Variants in PTPRD observed in about 807,000 individuals in gnomAD.
PTPRD encodes the protein protein tyrosine phosphatase receptor type D, also known as receptor-type tyrosine-protein phosphatase delta.
In PTPRD, 34 loss-of-function variants were observed where a neutral mutation model predicts 214.5. That is an observed-to-expected ratio of 0.16 (90% CI 0.12 to 0.21). PTPRD has a LOEUF of 0.21. Among genes scored for constraint, PTPRD ranks in the 10% least tolerant of loss-of-function variants. The pLI is 1.00. For synonymous variants in PTPRD, 1,128 were observed against 845.7 expected (o/e 1.33, Z -5.79); for missense variants, 2,545 against 2,398.7 (o/e 1.06, Z -1.27).
chr9:8,608,965 C>T (rs1234698922), intron 14 of PTPRD, among the ~76,000 whole-genome samples: 2 of 152,076 alleles, frequency 1.3e-5, no homozygotes, highest in Non-Finnish European at 2.9e-5. Context: ...AAAGAAGCAA[C>T]CAGGTGAAAA....
intron 2 of PTPRD, among the ~76,000 whole-genome samples, chr9:10,470,249 A>G (rs1192580115): frequency 6.6e-6 from 1 of 152,118 alleles, no homozygotes; most frequent in Non-Finnish European, 1.5e-5. Flanking sequence ...TACAACTATT[A>G]GGTATCCATA....
intron 11 of PTPRD, among the ~76,000 whole-genome samples, chr9:8,931,406 G>T (rs1188275192): frequency 6.6e-6 from 1 of 152,098 alleles, no homozygotes; most frequent in Non-Finnish European, 1.5e-5. Flanking sequence ...GATGCCTCCA[G>T]CTTTGTTCTT....
At chr9:9,374,083 G>A (rs2060191426) in intron 9 of PTPRD, among the ~76,000 whole-genome samples, 1 of 151,540 alleles carries the variant, frequency 6.6e-6, no homozygotes. Context: ...CCATATTATG[G>A]AATTGTACGC....
intron 14 of PTPRD, among the ~76,000 whole-genome samples, chr9:8,548,339 A>C (rs948407311): frequency 2.0e-5 from 3 of 151,870 alleles, no homozygotes; most frequent in Non-Finnish European, 4.4e-5. Flanking sequence ...TCTGGGGTTC[A>C]TGTGTTAGGT....
chr9:9,226,384 T>C (rs1369107626), intron 9 of PTPRD, among the ~76,000 whole-genome samples: 1 of 151,984 alleles, frequency 6.6e-6, no homozygotes, highest in Non-Finnish European at 1.5e-5. Flanking sequence ...GCTATCTTAA[T>C]CCCTATCTAT....
At position 9,078,049 on chromosome 9, in the gene PTPRD, G is replaced by A. The variant is rs1191957495; in HGVS notation, c.-142-59314C>T. ...CTATACAGATATTTTCAAGGGCCTT[G>A]ACATTTTCAATGGCTTATGAGATAT... On this transcript the variant is annotated intron_variant, in intron 10 of 45. Coordinates refer to ENST00000381196, the MANE Select transcript of PTPRD (RefSeq NM_002839.4). 3.3e-5 allele frequency among the ~76,000 whole-genome samples: 5 copies of A among 151,994 alleles called. No individual in the cohort carries two copies. The East Asian group carries it at 9.6e-4, about 29-fold the overall frequency.
intron 10 of PTPRD, among the ~76,000 whole-genome samples, chr9:9,166,960 G>A (rs898785573): frequency 1.3e-5 from 2 of 151,984 alleles, no homozygotes; most frequent in East Asian, 1.9e-4. Flanking sequence ...TGCAATATAC[G>A]CTCTTAGCTG....
At chr9:8,633,589 G>A (rs994766214) in intron 13 of PTPRD, 131 bp from the exon 14 acceptor site, 2 of 1,038,120 alleles carry the variant, frequency 1.9e-6, no homozygotes, top group Non-Finnish European at 2.8e-6. Context: ...ACTGAATTTT[G>A]ATATAGTGGT....
intron 34 of PTPRD, among the ~76,000 whole-genome samples, chr9:8,437,452 AAC>A (rs2095398084): frequency 6.6e-6 from 1 of 152,154 alleles, no homozygotes; most frequent in African/African-American, 2.4e-5. Context: ...TTCACATGCA[AAC>A]ACAGACACAA....
Position 10,503,202 on chromosome 9 carries a change from AAAAAAC to A in PTPRD, c.-600+109190_-600+109195del, listed in dbSNP as rs1459052142. On this transcript the variant is annotated intron_variant, in intron 2 of 45. Transcript: ENST00000381196. ...AGACACAGCTGCAATACAAAAAAAAAAAAAACAAAAAAAAACACCATTTTTTTCCCA... is the reference window on the plus strand; with the variant it reads ...AGACACAGCTGCAATACAAAAAAAAAAAAAAAAAACACCATTTTTTTCCCA... 2.8e-4 allele frequency among the ~76,000 whole-genome samples: 37 copies of A among 133,096 alleles called. 1 individual carries two copies. The highest frequency in any genetic ancestry group is 4.8e-4 in the Non-Finnish European group (31 of 65,068). 87.3% of individuals were successfully genotyped at this position (133,096 alleles called of 152,430 possible).
rs147665496 is a variant in PTPRD at position 9,122,603 on chromosome 9, G to C, written c.-143+60701C>G. On this transcript the variant is annotated intron_variant, in intron 10 of 45. Transcript: ENST00000381196. The stretch of plus-strand genomic sequence containing the variant: ...GGATTTTAAGCTTCACTATTTCTAA[G>C]TGTCCTCCCATCTTGAAATGCTATG... Among the ~76,000 whole-genome samples, 390 of 152,228 alleles carry C rather than the reference G, an allele frequency of 2.6e-3. 3 individuals are homozygous for C. Among genetic ancestry groups the C allele is most frequent in the African/African-American group, 8.6e-3 (359 of 41,540 alleles).
intron 3 of PTPRD, among the ~76,000 whole-genome samples, chr9:10,273,408 G>C (rs931142992): frequency 3.3e-5 from 5 of 151,836 alleles, no homozygotes; most frequent in Non-Finnish European, 7.4e-5. Flanking sequence ...ATAGAAATAG[G>C]GTCTTTTTCA....
At chr9:8,638,684 C>G (rs1193212993) in intron 12 of PTPRD, among the ~76,000 whole-genome samples, 1 of 152,058 alleles carries the variant, frequency 6.6e-6, no homozygotes, top group Non-Finnish European at 1.5e-5. Context: ...GATCCTGGAA[C>G]TGCGGGCCTG....
At chr9:8,579,901 C>T (rs1185254103) in intron 14 of PTPRD, among the ~76,000 whole-genome samples, 1 of 152,128 alleles carries the variant, frequency 6.6e-6, no homozygotes, top group Non-Finnish European at 1.5e-5. Flanking sequence ...CCAGGCTAAA[C>T]AGTTCCCTCT....
intron 8 of PTPRD, among the ~76,000 whole-genome samples, chr9:9,405,965 T>C (rs1427643528): frequency 1.3e-5 from 2 of 151,986 alleles, no homozygotes; most frequent in African/African-American, 2.4e-5. Flanking sequence ...GCTAAAAAAA[T>C]TGCAAGTTTG....
intron 7 of PTPRD, among the ~76,000 whole-genome samples, chr9:9,675,992 C>A (rs2096921153): frequency 6.6e-6 from 1 of 151,928 alleles, no homozygotes; most frequent in Non-Finnish European, 1.5e-5. Context: ...CCACATATTG[C>A]AAGGGTTCTG....
At chr9:8,747,435 G>A (rs946666527) in intron 11 of PTPRD, among the ~76,000 whole-genome samples, 1 of 152,116 alleles carries the variant, frequency 6.6e-6, no homozygotes, top group Non-Finnish European at 1.5e-5. Flanking sequence ...ACTATTGGCT[G>A]TACAGAAACC....
At chr9:8,361,385 G>T (rs982172495) in intron 39 of PTPRD, among the ~76,000 whole-genome samples, 2 of 152,100 alleles carry the variant, frequency 1.3e-5, no homozygotes, top group Admixed American at 6.5e-5. Flanking sequence ...GACAATTTGG[G>T]GTACAAGCTT....
chr9:10,187,541 T>C lies in PTPRD; in HGVS notation c.-545+153422A>G, dbSNP rs372501567. The stretch of plus-strand genomic sequence containing the variant: ...AGAGCTTTGAACTTGGCCTTTCGAA[T>C]TCCTTCCAGTTCTAACTTGCAGTGA... On this transcript the variant is annotated intron_variant, in intron 3 of 45. Coordinates refer to ENST00000381196, the MANE Select transcript of PTPRD (RefSeq NM_002839.4). 1.3e-3 allele frequency among the ~76,000 whole-genome samples: 194 copies of C among 152,266 alleles called. 6 individuals carry two copies. In the South Asian group the frequency reaches 0.038, roughly 29 times the overall value.
Sources: allele counts gnomAD v4.1 joint callset (sites outside exome capture counted in the v4.1 genomes callset), GRCh38; gene constraint gnomAD v4.1.1; transcripts MANE v1.5; gene names NCBI Gene and HGNC (gene_info 2026-07-23, HGNC 2026-07-21).